The following ABCA13 variants were observed in gnomAD, a reference collection of about 807,000 sequenced individuals.
ABCA13 encodes the protein ATP binding cassette subfamily A member 13.
In ABCA13, 476 loss-of-function variants were observed where a neutral mutation model predicts 478.7. The ratio of observed to expected loss-of-function variants is 0.99; its 90% confidence interval spans 0.92 to 1.07. The LOEUF (loss-of-function observed/expected upper bound fraction) is 1.07, where lower values mean the gene tolerates loss of function less well. Among genes scored for constraint, ABCA13 ranks in the 50% least tolerant of loss-of-function variants. The pLI is 0.00. For synonymous variants in ABCA13, 2,252 were observed against 2,158.9 expected (o/e 1.04, Z -1.20); for missense variants, 6,060 against 5,910.6 (o/e 1.03, Z -0.83).
intron 59 of ABCA13, among the ~76,000 whole-genome samples, chr7:48,618,983 A>C (rs1269429330): frequency 6.6e-6 from 1 of 152,224 alleles, no homozygotes; most frequent in East Asian, 1.9e-4. Flanking sequence ...GTTAATACAC[A>C]CACTCCAGGA....
chr7:48,453,905 A>G (rs560867175), intron 42 of ABCA13, among the ~76,000 whole-genome samples: 51 of 152,308 alleles, frequency 3.3e-4, no homozygotes, highest in Admixed American at 1.6e-3. Flanking sequence ...GTTTTCTCAG[A>G]TATGCATTTT....
At chr7:48,350,148 G>T (rs1414187848) in intron 29 of ABCA13, among the ~76,000 whole-genome samples, 1 of 152,186 alleles carries the variant, frequency 6.6e-6, no homozygotes, top group African/African-American at 2.4e-5. Context: ...ACAAGGATTT[G>T]GTTTCCTCAG....
In ABCA13 at chr7:48,511,136, AGTT is replaced by A. The variant is rs2130904038; in HGVS notation, c.13578_13580del (p.Leu4527del). On this transcript the variant is annotated inframe_deletion, in exon 51 of 62. Transcript: ENST00000435803. ...TGTGTTGCCGTTATTGTCGCCTTCC[AGTT>A]AACAGCTTTTACTTTCCGCAAGAAC... 2 of 1,613,594 alleles carry A rather than the reference AGTT, an allele frequency of 1.2e-6. No individual in the cohort carries two copies. Among genetic ancestry groups the A allele is most frequent in the South Asian group, 2.2e-5 (2 of 91,052 alleles).
intron 61 of ABCA13, 138 bp downstream of exon 61, chr7:48,644,892 A>T: frequency 1.0e-6 from 1 of 981,232 alleles, no homozygotes. Flanking sequence ...TAAAATTATG[A>T]TAAGGATGGT....
chr7:48,637,944 G>A (rs1563537528), intron 59 of ABCA13, among the ~76,000 whole-genome samples: 1 of 152,198 alleles, frequency 6.6e-6, no homozygotes, highest in Non-Finnish European at 1.5e-5. Context: ...TATGTGTCCT[G>A]TATTCTTGGA....
chr7:48,526,532 G>T (rs1019021781), intron 54 of ABCA13, among the ~76,000 whole-genome samples: 1 of 152,144 alleles, frequency 6.6e-6, no homozygotes, highest in South Asian at 2.1e-4. Context: ...TGGGGATATT[G>T]TCTGAGAAAT....
chr7:48,531,101 C>G (rs1214376905), intron 55 of ABCA13, among the ~76,000 whole-genome samples: 1 of 152,092 alleles, frequency 6.6e-6, no homozygotes, highest in Admixed American at 6.6e-5. Flanking sequence ...ATGTTATCTT[C>G]TAGAATCATT....
At chr7:48,405,517 G>C (rs576217870) in intron 39 of ABCA13, among the ~76,000 whole-genome samples, 2 of 152,328 alleles carry the variant, frequency 1.3e-5, no homozygotes, top group African/African-American at 4.8e-5. Context: ...TAAATTTTGA[G>C]ATGCAACGAT....
At chr7:48,229,719 A>C in intron 6 of ABCA13, 106 bp from the exon 7 acceptor site, 1 of 1,356,560 alleles carries the variant, frequency 7.4e-7, no homozygotes, top group Non-Finnish European at 1.0e-6. Context: ...ACATCTTGCA[A>C]CAGCACTAGG....
chr7:48,381,318 A>C (rs117341480), intron 35 of ABCA13, among the ~76,000 whole-genome samples: 5,456 of 152,176 alleles, frequency 0.036, 114 homozygotes, highest in Middle Eastern at 0.061. Flanking sequence ...GGTAGGAGGC[A>C]GGAGGCAGGT....
chr7:48,433,956 A>G (rs1822491064), intron 42 of ABCA13, among the ~76,000 whole-genome samples: 1 of 152,030 alleles, frequency 6.6e-6, no homozygotes, highest in Admixed American at 6.6e-5. Flanking sequence ...TCTTTAAGTT[A>G]CTGTAATAAT....
In ABCA13 at chr7:48,586,505, G is replaced by A. The variant is rs535763550; in HGVS notation, c.14506-649G>A. The stretch of plus-strand genomic sequence containing the variant: ...ACAAAACCAAATACCGTGTGTTCTC[G>A]TTTATAGGGGGGAGCTTAACATTGG... On this transcript the variant is annotated intron_variant, in intron 56 of 61. Coordinates refer to ENST00000435803, the MANE Select transcript of ABCA13 (RefSeq NM_152701.5). Among the ~76,000 whole-genome samples, 14 of 152,206 alleles carry A rather than the reference G, an allele frequency of 9.2e-5. No individual in the cohort carries two copies. In the South Asian group the frequency reaches 2.7e-3, roughly 29 times the overall value.
intron 42 of ABCA13, among the ~76,000 whole-genome samples, chr7:48,441,359 T>C (rs1170676867): frequency 6.6e-6 from 1 of 152,198 alleles, no homozygotes; most frequent in African/African-American, 2.4e-5. Flanking sequence ...CCTCAAAGAT[T>C]ACTCTTTTGT....
chr7:48,261,037 G>C (rs1339410512), intron 15 of ABCA13, among the ~76,000 whole-genome samples: 1 of 151,538 alleles, frequency 6.6e-6, no homozygotes, highest in African/African-American at 2.4e-5. Flanking sequence ...AATTTAGTTG[G>C]GCATAAAAAC....
At chr7:48,291,540 G>T (rs1798533462) in intron 20 of ABCA13, among the ~76,000 whole-genome samples, 1 of 152,088 alleles carries the variant, frequency 6.6e-6, no homozygotes, top group African/African-American at 2.4e-5. Context: ...TCCTGCCATG[G>T]GTGATGCCAG....
intron 21 of ABCA13, among the ~76,000 whole-genome samples, chr7:48,296,862 G>A (rs10254876): frequency 0.75 from 114,718 of 152,174 alleles, 44,186 homozygotes; most frequent in African/African-American, 0.91. Context: ...AATTCTGCAA[G>A]TGACTTTTTC....
chr7:48,193,890 C>G (rs151081350), intron 2 of ABCA13, among the ~76,000 whole-genome samples: 294 of 143,830 alleles, frequency 2.0e-3, no homozygotes, highest in South Asian at 4.6e-3. Context: ...TAACCGTGAT[C>G]ATGATGAGGG....
intron 29 of ABCA13, among the ~76,000 whole-genome samples, chr7:48,350,165 T>G (rs1808739646): frequency 6.6e-6 from 1 of 152,248 alleles, no homozygotes; most frequent in Non-Finnish European, 1.5e-5. Context: ...TCAGTGTCCA[T>G]GCTCCTTGAT....
At chr7:48,644,897 G>A (rs1387506355) in intron 61 of ABCA13, 143 bp downstream of exon 61, 2 of 918,472 alleles carry the variant, frequency 2.2e-6, no homozygotes, top group Non-Finnish European at 1.6e-6. Context: ...TTATGATAAG[G>A]ATGGTGAGTG....
Sources: gnomAD v4.1 joint callset for allele counts (sites outside exome capture counted in the v4.1 genomes callset) on GRCh38, gnomAD v4.1.1 for gene constraint, MANE v1.5 for transcripts, NCBI Gene and HGNC (gene_info 2026-07-23, HGNC 2026-07-21) for gene names.